Variants in MAP1LC3C observed in about 807,000 individuals in gnomAD.
MAP1LC3C encodes the protein microtubule-associated protein 1 light chain 3 gamma.
A neutral mutation model predicts 10.4 loss-of-function variants in MAP1LC3C; 12 were observed. The observed-to-expected ratio is 1.15, with a 90% CI of 0.74 to 1.86. The LOEUF (loss-of-function observed/expected upper bound fraction) is 1.86. Among genes scored for constraint, MAP1LC3C ranks in the 40% most tolerant of loss-of-function variants. The pLI is 0.00. For missense variants in MAP1LC3C, 177 were observed against 185.7 expected, an observed-to-expected ratio of 0.95 and a Z score of 0.27; for synonymous variants, 70 against 69.0, an observed-to-expected ratio of 1.01 and a Z score of -0.07.
rs1187797671 is a variant in MAP1LC3C, at chr1:241,995,650, G to A, written c.*513C>T. ...ATACGGTTATATGGCTGGATGCAGT[G>A]GCTCACGCCTGTAATCCCAGCACTT... On this transcript the variant is annotated 3_prime_UTR_variant, in exon 4 of 4. Transcript: ENST00000357246. 6.5e-6 allele frequency: 1 copy of A among 152,916 alleles called. No homozygotes were observed. The highest frequency in any genetic ancestry group is 2.4e-5 in the African/African-American group (1 of 41,454). The allele number at this position is 152,916 out of a possible 1,614,324, so 9.5% of individuals were successfully genotyped here.
intron 2 of MAP1LC3C, 61 bp downstream of exon 2, chr1:241,998,715 C>G (rs1461681844): frequency 6.2e-7 from 1 of 1,611,544 alleles, no homozygotes; most frequent in African/African-American, 1.3e-5. Flanking sequence ...CTTGGTTTTT[C>G]AGAGAACAGG....
Position 241,998,329 on chromosome 1 carries a change from T to C in MAP1LC3C, c.221+185A>G, listed in dbSNP as rs140270316. Among the ~76,000 whole-genome samples, 38 of 152,270 alleles carry C rather than the reference T, an allele frequency of 2.5e-4. No individual in the cohort carries two copies. The East Asian group carries it at 6.4e-3, about 26-fold the overall frequency. On this transcript the variant is annotated intron_variant, in intron 3 of 3. Transcript: ENST00000357246. ...GAGCCACTCCGCCCGGGGTTTAAAA[T>C]AGAGTAATTCTAAGAGCATCTTTTC... is the stretch of plus-strand genomic sequence containing the variant.
upstream of MAP1LC3C, among the ~76,000 whole-genome samples, chr1:241,999,384 A>AG (rs911696096): frequency 1.6e-4 from 24 of 152,104 alleles, no homozygotes; most frequent in Non-Finnish European, 2.4e-4. Context: ...TTCAGTAGCA[A>AG]GGGGGGGTCC....
In MAP1LC3C at chr1:241,995,937, A is replaced by G. The variant is rs750722194; in HGVS notation, c.*226T>C. 6.6e-5 allele frequency: 28 copies of G among 421,128 alleles called. No individual in the cohort carries two copies. Among genetic ancestry groups the G allele is most frequent in the Middle Eastern group, 6.4e-4 (1 of 1,564 alleles). 26.1% of individuals were successfully genotyped at this position (421,128 alleles called of 1,614,324 possible). On this transcript the variant is annotated 3_prime_UTR_variant, in exon 4 of 4. Coordinates refer to ENST00000357246, the MANE Select transcript of MAP1LC3C (RefSeq NM_001004343.3). Reference sequence around the variant, plus strand: ...CTGTTTCAAAAAAAAAAAAATGATAATTATATAACTTTCAAGAGCAGCCCA... The same window carrying G: ...CTGTTTCAAAAAAAAAAAAATGATAGTTATATAACTTTCAAGAGCAGCCCA...
intron 3 of MAP1LC3C, among the ~76,000 whole-genome samples, chr1:241,996,909 C>CAAAAAAAAAAAAAAAAAAAAAAAAAAGA (rs71174887): frequency 2.3e-5 from 1 of 42,762 alleles, no homozygotes; most frequent in African/African-American, 8.9e-5. Flanking sequence ...GACTGCGTCT[C>CAAAAAAAAAAAAAAAAAAAAAAAAAAGA]AAAAAAAAAA....
Position 241,996,240 on chromosome 1 carries a change from C to A in MAP1LC3C, c.367G>T (p.Glu123Ter). Residue 123 changes from glutamate to a stop codon, truncating the protein, a stop_gained, in exon 4 of 4, where the codon GAG becomes TAG. Coordinates refer to ENST00000357246, the MANE Select transcript of MAP1LC3C (RefSeq NM_001004343.3). LOFTEE classifies it low-confidence loss of function (END_TRUNC). ...GCTGACTCCAGGCAGCCAAATGTCT[C>A]CTGGGAGGCGTAGGTCATGTACACG... Reference protein sequence around the residue: ...GFVYMTYASQETFGCLESAAP... With the variant: ...GFVYMTYASQ 1.2e-6 allele frequency: 2 copies of A among 1,614,170 alleles called. No individual in the cohort carries two copies. The highest frequency in any genetic ancestry group is 1.7e-6 in the Non-Finnish European group (2 of 1,180,034).
chr1:242,001,058 T>C (rs1378852042), upstream of MAP1LC3C, among the ~76,000 whole-genome samples: 1 of 151,968 alleles, frequency 6.6e-6, no homozygotes, highest in East Asian at 1.9e-4. Context: ...GGCGGATCAC[T>C]TGAGGTCAGG....
At position 241,998,566 on chromosome 1, in the gene MAP1LC3C, T is replaced by C. The variant is rs770610633; in HGVS notation, c.169A>G (p.Lys57Glu). The C allele has an allele frequency of 8.1e-6, 13 of 1,613,584 alleles. No homozygotes were observed. The South Asian group carries it at 1.3e-4, about 16-fold the overall frequency. Residue 57 changes from lysine to glutamate, a missense_variant, in exon 3 of 4, where the codon AAG becomes GAG. Physicochemically the swap from Lys to Glu is moderately conservative, Grantham distance 56. Coordinates refer to ENST00000357246, the MANE Select transcript of MAP1LC3C (RefSeq NM_001004343.3). ...ETFLPPLDKT[K>E]FLVPQELTMT... ...GTCAGCTCCTGCGGGACCAGGAACT[T>C]GGTTTTGTCCAGCGGGGGCAGGAAC...
At chr1:241,998,738 C>T (rs1336800013) in intron 2 of MAP1LC3C, 38 bp downstream of exon 2, 3 of 1,613,302 alleles carry the variant, frequency 1.9e-6, no homozygotes, top group Non-Finnish European at 1.7e-6. Context: ...CGGAACCCCA[C>T]CCCCACGCCC....
chr1:241,999,736 G>A (rs1665158835), upstream of MAP1LC3C, among the ~76,000 whole-genome samples: 1 of 152,150 alleles, frequency 6.6e-6, no homozygotes, highest in Non-Finnish European at 1.5e-5. Flanking sequence ...TTGAACCCAG[G>A]ATGCGGAGGT....
upstream of MAP1LC3C, among the ~76,000 whole-genome samples, chr1:241,999,390 G>T (rs1330919493): frequency 1.3e-5 from 2 of 151,484 alleles, no homozygotes; most frequent in Admixed American, 1.3e-4. Context: ...AGCAAGGGGG[G>T]GTCCAAGCTG....
chr1:241,998,557 CCAGGAACTTGGTTTTGTCCAGCGGGGG>C lies in MAP1LC3C; in HGVS notation c.151_177del (p.Pro51_Leu59del), dbSNP rs564171287. 9.3e-6 allele frequency: 15 copies of C among 1,613,812 alleles called. No homozygotes were observed. In the East Asian group the frequency reaches 3.3e-4, roughly 36 times the overall value. ...TGGGTCATGGTCAGCTCCTGCGGGA[CCAGGAACTTGGTTTTGTCCAGCGGGGG>C]CAGGAACGTCTCCCTGGGGTAGCGC... On this transcript the variant is annotated inframe_deletion, in exon 3 of 4. Transcript: ENST00000357246.
intron 3 of MAP1LC3C, among the ~76,000 whole-genome samples, chr1:241,998,018 A>ATTTTTTTTTTTTTTTTTTTTTTT (rs1558179174): frequency 1.1e-5 from 1 of 89,392 alleles, no homozygotes. Flanking sequence ...AAATAGAGTA[A>ATTTTTTTTTTTTTTTTTTTTTTT]TTCTTTTTTT....
Position 241,995,918 on chromosome 1 carries a change from CA to C in MAP1LC3C, c.*244del, listed in dbSNP as rs200314093. ...TAGGCAATAGAGCAAGACCCTGTTT[CA>C]AAAAAAAAAAAATGATAATTATATA... On this transcript the variant is annotated 3_prime_UTR_variant, in exon 4 of 4. Transcript: ENST00000357246. The C allele has an allele frequency of 0.076, 23,169 of 303,956 alleles. No individual in the cohort carries two copies. The highest frequency in any genetic ancestry group is 0.13 in the East Asian group (2,575 of 19,204). The allele number at this position is 303,956 out of a possible 1,614,324, so 18.8% of individuals were successfully genotyped here.
chr1:241,998,501 C>G lies in MAP1LC3C; in HGVS notation c.221+13G>C. 1 of 1,613,186 alleles carries G rather than the reference C, an allele frequency of 6.2e-7. No homozygotes were observed. On this transcript the variant is annotated intron_variant, in intron 3 of 3. Transcript: ENST00000357246. ...AGCGCACCTTCCTCCGGGGCACGCT[C>G]TGCGCCACCTACCGGATGATGCTGA...
At chr1:241,996,864 T>TTGCGCCAC in intron 3 of MAP1LC3C, among the ~76,000 whole-genome samples, 1 of 121,870 alleles carries the variant, frequency 8.2e-6, no homozygotes. Flanking sequence ...TGAGCCGAAA[T>TTGCGCCAC]TGCGCCACTG....
intron 3 of MAP1LC3C, 108 bp from the exon 4 acceptor site, chr1:241,996,493 AT>A (rs1411608070): frequency 5.6e-6 from 5 of 894,074 alleles, no homozygotes; most frequent in Non-Finnish European, 8.5e-6. Context: ...CTTCCCTGAG[AT>A]TTAGGAACTA....
At chr1:241,998,927 A>T in intron 1 of MAP1LC3C, 24 bp downstream of exon 1, 2 of 1,611,546 alleles carry the variant, frequency 1.2e-6, no homozygotes, top group Non-Finnish European at 8.5e-7. Flanking sequence ...TAGATAACCC[A>T]GAAAGCTACC....
Position 241,997,722 on chromosome 1 carries a change from G to C in MAP1LC3C, c.221+792C>G, listed in dbSNP as rs539594715. ...CTGCCTGTTCTTTGCTGTACCTCTG[G>C]CTTAACCAAGGGAGGAGTGTGTTTG... On this transcript the variant is annotated intron_variant, in intron 3 of 3. Coordinates refer to ENST00000357246, the MANE Select transcript of MAP1LC3C (RefSeq NM_001004343.3). Among the ~76,000 whole-genome samples, 3 of 152,150 alleles carry C rather than the reference G, an allele frequency of 2.0e-5. No homozygotes were observed. In the South Asian group the frequency reaches 6.2e-4, roughly 32 times the overall value.
Sources: allele counts gnomAD v4.1 joint callset (sites outside exome capture counted in the v4.1 genomes callset), GRCh38; gene constraint gnomAD v4.1.1; transcripts MANE v1.5; gene names NCBI Gene and HGNC (gene_info 2026-07-23, HGNC 2026-07-21).